Variants in HECW2 observed in about 807,000 individuals in gnomAD.
HECW2 encodes HECT, C2 and WW domain containing E3 ubiquitin protein ligase 2.
In HECW2, 61 loss-of-function variants were observed where a neutral mutation model predicts 175.2. The ratio of observed to expected loss-of-function variants is 0.35; its 90% CI spans 0.28 to 0.43. HECW2 has a LOEUF of 0.43. Among genes scored for constraint, HECW2 ranks in the 20% least tolerant of loss-of-function variants. HECW2 has a pLI of 1.00. For synonymous variants in HECW2, 671 were observed against 731.0 expected (o/e 0.92, Z 1.32); for missense variants, 1,524 against 2,000.5 (o/e 0.76, Z 4.54).
intron 1 of HECW2, among the ~76,000 whole-genome samples, chr2:196,445,734 G>A (rs555542112): frequency 1.4e-4 from 22 of 152,274 alleles, no homozygotes; most frequent in African/African-American, 4.6e-4. Context: ...AAAATCTGAG[G>A]TGGACCTTGA....
chr2:196,574,859 A>G (rs908042088), intron 1 of HECW2, among the ~76,000 whole-genome samples: 1 of 152,146 alleles, frequency 6.6e-6, no homozygotes, highest in Non-Finnish European at 1.5e-5. Context: ...ATAAAAAGCC[A>G]AGAAATTAAT....
chr2:196,453,101 C>G (rs769704293), intron 1 of HECW2, among the ~76,000 whole-genome samples: 1 of 152,126 alleles, frequency 6.6e-6, no homozygotes, highest in Non-Finnish European at 1.5e-5. Flanking sequence ...GTTCTGCCTA[C>G]AGAGACCATG....
chr2:196,209,888 C>T lies in HECW2; in HGVS notation c.4607+5977G>A, dbSNP rs184811279. Among the ~76,000 whole-genome samples the T allele has an allele frequency of 3.6e-3, 554 of 152,150 alleles. 4 individuals carry two copies. Among genetic ancestry groups the T allele is most frequent in the African/African-American group, 0.013 (521 of 41,494 alleles). On this transcript the variant is annotated intron_variant, in intron 28 of 28. Coordinates refer to ENST00000644978, the MANE Select transcript of HECW2 (RefSeq NM_001348768.2). ...CCGCCATTCTCCTGCCTCTGCCTCC[C>T]GAGTAGATGGGGCTACAGGCGCCCA...
At chr2:196,433,500 C>G (rs1013289675) in intron 1 of HECW2, 42 bp from the exon 2 acceptor site, 19 of 1,398,384 alleles carry the variant, frequency 1.4e-5, no homozygotes, top group East Asian at 4.7e-5. Context: ...TGCTACAATA[C>G]GAAGAATCAG....
rs1175356372 is a variant in HECW2 at position 196,235,136 on chromosome 2, C to T, written c.3764+5313G>A. ...GTTTTTAGACCCAGTCTCGCTCTGT[C>T]GCCCAGGCTGGAGTGCAGTGGTGTG... On this transcript the variant is annotated intron_variant, in intron 21 of 28. Coordinates refer to ENST00000644978, the MANE Select transcript of HECW2 (RefSeq NM_001348768.2). Among the ~76,000 whole-genome samples the T allele has an allele frequency of 2.8e-5, 4 of 142,752 alleles. No individual in the cohort carries two copies. In the South Asian group the frequency reaches 6.5e-4, roughly 23 times the overall value. The allele number at this position is 142,752 out of a possible 152,430, so 93.7% of individuals were successfully genotyped here. A position where few individuals can be genotyped will look rare whatever the true frequency, so the allele number is the denominator to read the frequency against.
intron 1 of HECW2, among the ~76,000 whole-genome samples, chr2:196,476,834 G>C (rs72914638): frequency 0.043 from 6,436 of 151,142 alleles, 193 homozygotes; most frequent in Non-Finnish European, 0.067. Flanking sequence ...TTTTCAGCTG[G>C]GTGCAATGGC....
At chr2:196,289,933 A>G (rs897000582) in intron 14 of HECW2, 7 of 152,172 alleles carry the variant, frequency 4.6e-5, no homozygotes, top group African/African-American at 1.7e-4. Context: ...GGAGAATCGC[A>G]TGGAGATAAA....
chr2:196,329,786 C>T, intron 4 of HECW2, 136 bp from the exon 5 acceptor site: 1 of 618,822 alleles, frequency 1.6e-6, no homozygotes, highest in South Asian at 2.3e-5. Context: ...TTTCATTTCC[C>T]AATCTTGGAA....
intron 1 of HECW2, among the ~76,000 whole-genome samples, chr2:196,508,206 C>T (rs530339757): frequency 6.6e-6 from 1 of 152,312 alleles, no homozygotes; most frequent in African/African-American, 2.4e-5. Context: ...TCTTGACCTA[C>T]TTTTTCTAAA....
rs763021044 is a variant in HECW2 at position 196,240,565 on chromosome 2, G to A, written c.3651-3C>T. On this transcript the variant is annotated splice_region_variant and splice_polypyrimidine_tract_variant and intron_variant, in intron 20 of 28. Coordinates refer to ENST00000644978, the MANE Select transcript of HECW2 (RefSeq NM_001348768.2). ...AGTGATCTCTTCGGATAATTAACCTGTCCATAAAGAGACAATTTAGAAAAT... is the reference window on the plus strand; with the variant it reads ...AGTGATCTCTTCGGATAATTAACCTATCCATAAAGAGACAATTTAGAAAAT... The A allele has an allele frequency of 1.9e-6, 3 of 1,583,844 alleles. No individual in the cohort carries two copies. In the South Asian group the frequency reaches 3.5e-5, roughly 18 times the overall value.
chr2:196,448,915 T>C (rs765636519), intron 1 of HECW2, among the ~76,000 whole-genome samples: 7 of 152,164 alleles, frequency 4.6e-5, no homozygotes, highest in East Asian at 1.9e-4. Context: ...TCTCTCACTA[T>C]CCATTTTTTG....
At chr2:196,374,292 C>T (rs1470379056) in intron 2 of HECW2, among the ~76,000 whole-genome samples, 1 of 151,996 alleles carries the variant, frequency 6.6e-6, no homozygotes, top group Non-Finnish European at 1.5e-5. Context: ...ATTATATGTA[C>T]AATAGGAGCT....
In HECW2 at chr2:196,341,973, G is replaced by A. The variant is rs530031243; in HGVS notation, c.400+1684C>T. 2.5e-4 allele frequency among the ~76,000 whole-genome samples: 38 copies of A among 152,214 alleles called. 2 individuals carry two copies. In the South Asian group the frequency reaches 5.6e-3, roughly 22 times the overall value. On this transcript the variant is annotated intron_variant, in intron 3 of 28. Coordinates refer to ENST00000644978, the MANE Select transcript of HECW2 (RefSeq NM_001348768.2). ...ATTTAATCAAATCTTTAATGTTCACGTTTAGTAAGTGCTATCTTTAAGTAC... is the reference window on the plus strand; with the variant it reads ...ATTTAATCAAATCTTTAATGTTCACATTTAGTAAGTGCTATCTTTAAGTAC...
At chr2:196,239,494 C>A (rs1383970646) in intron 21 of HECW2, 1 of 152,130 alleles carries the variant, frequency 6.6e-6, no homozygotes, top group African/African-American at 2.4e-5. Flanking sequence ...TTATTTCATC[C>A]ACTGTGTACT....
At chr2:196,505,876 C>A (rs534369812) in intron 1 of HECW2, among the ~76,000 whole-genome samples, 1 of 152,258 alleles carries the variant, frequency 6.6e-6, no homozygotes, top group East Asian at 1.9e-4. Flanking sequence ...TGAAGTCCCC[C>A]CAACTGTGGA....
intron 21 of HECW2, among the ~76,000 whole-genome samples, chr2:196,235,024 A>C (rs1220336873): frequency 2.0e-5 from 3 of 152,204 alleles, no homozygotes; most frequent in African/African-American, 7.2e-5. Flanking sequence ...AAAGCATAAT[A>C]TAAAATGTGA....
chr2:196,376,649 AG>A (rs1694059983), intron 2 of HECW2, among the ~76,000 whole-genome samples: 1 of 104,666 alleles, frequency 9.6e-6, no homozygotes. Flanking sequence ...AAAAAAAAAA[AG>A]GGCCGGGCAT....
chr2:196,248,629 C>CAGAGAG lies in HECW2; in HGVS notation c.3529+5290_3529+5291insCTCTCT, dbSNP rs199534761. Among the ~76,000 whole-genome samples the CAGAGAG allele has an allele frequency of 1.1e-3, 168 of 149,754 alleles. 4 individuals carry two copies. Among genetic ancestry groups the CAGAGAG allele is most frequent in the African/African-American group, 4.1e-3 (165 of 39,774 alleles). Reference sequence around the variant, plus strand: ...ACACACACACACACACACACACACACACAGAGAGAGACAGAGAGGAATAGA... The same window carrying CAGAGAG: ...ACACACACACACACACACACACACACAGAGAGACAGAGAGAGACAGAGAGGAATAGA... On this transcript the variant is annotated intron_variant, in intron 19 of 28. Transcript: ENST00000644978.
At chr2:196,391,708 C>A (rs941994347) in intron 2 of HECW2, among the ~76,000 whole-genome samples, 1 of 152,194 alleles carries the variant, frequency 6.6e-6, no homozygotes, top group Non-Finnish European at 1.5e-5. Context: ...CAAAGTACCA[C>A]AAACTGAGTG....
Sources: gnomAD v4.1 joint callset for allele counts (sites outside exome capture counted in the v4.1 genomes callset) on GRCh38, gnomAD v4.1.1 for gene constraint, MANE v1.5 for transcripts, NCBI Gene and HGNC (gene_info 2026-07-23, HGNC 2026-07-21) for gene names.